The following GPATCH2 variants were observed in gnomAD, a reference collection of about 807,000 sequenced individuals.
GPATCH2 encodes the protein G patch domain-containing protein 2.
GPATCH2 carries 51 observed loss-of-function variants against 58.0 expected under a neutral mutation model. The ratio of observed to expected loss-of-function variants is 0.88; its 90% CI spans 0.70 to 1.11. The LOEUF (loss-of-function observed/expected upper bound fraction) is 1.11. GPATCH2 is among the 50% of genes most tolerant of loss of function. The pLI, the probability that GPATCH2 is intolerant of heterozygous loss-of-function variation, is 0.00. For missense variants in GPATCH2, 625 were observed against 652.2 expected, an observed-to-expected ratio of 0.96 and a Z score of 0.45; for synonymous variants, 222 against 218.5, an observed-to-expected ratio of 1.02 and a Z score of -0.14.
intron 5 of GPATCH2, among the ~76,000 whole-genome samples, chr1:217,585,659 T>C (rs567493986): frequency 2.0e-5 from 3 of 152,182 alleles, no homozygotes; most frequent in Non-Finnish European, 2.9e-5. Flanking sequence ...GCAGGAATGT[T>C]TGTAATAGCC....
intron 8 of GPATCH2, among the ~76,000 whole-genome samples, chr1:217,461,032 T>C (rs1413962313): frequency 6.6e-6 from 1 of 152,210 alleles, no homozygotes; most frequent in Non-Finnish European, 1.5e-5. Context: ...GTAATGATAA[T>C]GTAACAGTTC....
chr1:217,474,374 G>A (rs1357164665), intron 8 of GPATCH2, among the ~76,000 whole-genome samples: 1 of 152,140 alleles, frequency 6.6e-6, no homozygotes, highest in African/African-American at 2.4e-5. Context: ...TCAAAGAGTT[G>A]GGAGACAATT....
intron 8 of GPATCH2, among the ~76,000 whole-genome samples, chr1:217,457,573 A>G (rs185327714): frequency 6.6e-6 from 1 of 152,284 alleles, no homozygotes; most frequent in African/African-American, 2.4e-5. Flanking sequence ...TCCATACAAT[A>G]CATGCAGAAG....
At chr1:217,532,886 G>GTTTTTTTTTT (rs57815648) in intron 5 of GPATCH2, among the ~76,000 whole-genome samples, 1 of 130,248 alleles carries the variant, frequency 7.7e-6, no homozygotes, top group Non-Finnish European at 1.6e-5. Context: ...TCTTTTTTTT[G>GTTTTTTTTTT]TTTTTTTTTT....
chr1:217,593,931 A>G (rs1189955027), intron 5 of GPATCH2, among the ~76,000 whole-genome samples: 1 of 152,112 alleles, frequency 6.6e-6, no homozygotes, highest in Non-Finnish European at 1.5e-5. Context: ...TTAAAACAGG[A>G]TATTTAATTA....
At chr1:217,437,791 G>A (rs1212496059) in intron 9 of GPATCH2, among the ~76,000 whole-genome samples, 1 of 152,222 alleles carries the variant, frequency 6.6e-6, no homozygotes, top group African/African-American at 2.4e-5. Flanking sequence ...GCGGGAAGGG[G>A]TGGCTGTGGG....
chr1:217,487,511 C>T (rs531848062), intron 8 of GPATCH2, among the ~76,000 whole-genome samples: 15 of 151,716 alleles, frequency 9.9e-5, no homozygotes, highest in Middle Eastern at 3.4e-3. Context: ...CTGCAACCTC[C>T]GCCTTCCGGG....
At chr1:217,553,125 T>G (rs770348793) in intron 5 of GPATCH2, among the ~76,000 whole-genome samples, 2 of 152,046 alleles carry the variant, frequency 1.3e-5, no homozygotes, top group Non-Finnish European at 2.9e-5. Flanking sequence ...TATACGATCA[T>G]TTCCCTTAAA....
At chr1:217,436,625 C>T (rs942859236) in intron 9 of GPATCH2, among the ~76,000 whole-genome samples, 2 of 152,146 alleles carry the variant, frequency 1.3e-5, no homozygotes, top group African/African-American at 4.8e-5. Flanking sequence ...TGTATATGGA[C>T]AATATATCAC....
chr1:217,620,585 T>G, intron 1 of GPATCH2, 86 bp from the exon 2 acceptor site: 1 of 784,418 alleles, frequency 1.3e-6, no homozygotes, highest in South Asian at 1.9e-5. Flanking sequence ...TCATTCTAAA[T>G]TCGACAAAAA....
intron 5 of GPATCH2, among the ~76,000 whole-genome samples, chr1:217,603,821 C>T (rs111402987): frequency 0.093 from 14,083 of 151,706 alleles, 961 homozygotes; most frequent in African/African-American, 0.19. Context: ...CGGGGCTTCA[C>T]CATGTTGGCC....
chr1:217,613,561 A>G (rs1484141213), intron 3 of GPATCH2, among the ~76,000 whole-genome samples: 1 of 152,098 alleles, frequency 6.6e-6, no homozygotes, highest in East Asian at 1.9e-4. Flanking sequence ...TCCCTTATTA[A>G]GGTTTTTTTA....
chr1:217,528,119 G>A (rs1328500277), intron 5 of GPATCH2, among the ~76,000 whole-genome samples: 2 of 152,148 alleles, frequency 1.3e-5, no homozygotes, highest in East Asian at 3.8e-4. Flanking sequence ...TATTGGAAAT[G>A]AGGAAATAAA....
At chr1:217,615,535 C>T (rs1668844574) in intron 2 of GPATCH2, among the ~76,000 whole-genome samples, 1 of 152,066 alleles carries the variant, frequency 6.6e-6, no homozygotes, top group African/African-American at 2.4e-5. Flanking sequence ...GCTGTCTAAA[C>T]TACTATTGAT....
At chr1:217,506,782 C>T (rs764537377) in intron 6 of GPATCH2, among the ~76,000 whole-genome samples, 9 of 152,196 alleles carry the variant, frequency 5.9e-5, no homozygotes, top group Non-Finnish European at 1.3e-4. Context: ...GCTCAATATG[C>T]TTTAGCATAA....
At chr1:217,449,453 A>G (rs1659557135) in intron 8 of GPATCH2, 116 bp from the exon 9 acceptor site, 5 of 666,374 alleles carry the variant, frequency 7.5e-6, no homozygotes, top group South Asian at 5.3e-5. Flanking sequence ...GGAGCTGCGT[A>G]GTAAAATCAC....
intron 9 of GPATCH2, among the ~76,000 whole-genome samples, chr1:217,433,478 C>A (rs1300918656): frequency 6.6e-6 from 1 of 151,320 alleles, no homozygotes. Context: ...CTTACTGCAA[C>A]CTCCACCTCC....
chr1:217,444,553 G>A (rs1448805552), intron 9 of GPATCH2, among the ~76,000 whole-genome samples: 4 of 152,128 alleles, frequency 2.6e-5, no homozygotes, highest in Non-Finnish European at 4.4e-5. Flanking sequence ...TATCTAACAC[G>A]TGTGCTTACT....
chr1:217,498,167 A>ACTC (rs1662103228), intron 7 of GPATCH2, 189 bp downstream of exon 7: 1 of 682,980 alleles, frequency 1.5e-6, no homozygotes, highest in Non-Finnish European at 2.6e-6. Flanking sequence ...AGGAAAGAAA[A>ACTC]CTCTCATGCT....
Sources: allele counts gnomAD v4.1 joint callset (sites outside exome capture counted in the v4.1 genomes callset), GRCh38; gene constraint gnomAD v4.1.1; transcripts MANE v1.5; gene names NCBI Gene and HGNC (gene_info 2026-07-23, HGNC 2026-07-21).